Variants in AGBL4 observed in about 807,000 individuals in gnomAD.
AGBL4 encodes the protein cytosolic carboxypeptidase 6.
AGBL4 carries 58 observed loss-of-function variants against 66.4 expected under a neutral mutation model. That is an observed-to-expected ratio of 0.87 (90% CI 0.71 to 1.09). The LOEUF (loss-of-function observed/expected upper bound fraction) is 1.09, where lower values mean the gene tolerates loss of function less well. Ranked by LOEUF, AGBL4 falls within the 50% of genes least tolerant of loss-of-function variation. The pLI is 0.00. For missense variants in AGBL4, 579 were observed against 631.0 expected, an observed-to-expected ratio of 0.92 and a Z score of 0.88; for synonymous variants, 234 against 222.9, an observed-to-expected ratio of 1.05 and a Z score of -0.44.
intron 4 of AGBL4, among the ~76,000 whole-genome samples, chr1:49,182,344 T>A (rs1246346578): frequency 1.3e-5 from 2 of 152,270 alleles, no homozygotes; most frequent in African/African-American, 2.4e-5. Context: ...TTGGTTCATA[T>A]GGTACCTTGT....
chr1:49,926,985 C>T (rs979085180), intron 1 of AGBL4, among the ~76,000 whole-genome samples: 2 of 152,180 alleles, frequency 1.3e-5, no homozygotes, highest in African/African-American at 4.8e-5. Context: ...AGCTGAAGAA[C>T]ATAGAGTTTG....
intron 3 of AGBL4, among the ~76,000 whole-genome samples, chr1:49,583,949 A>G (rs1644597223): frequency 6.6e-6 from 1 of 152,166 alleles, no homozygotes; most frequent in East Asian, 1.9e-4. Context: ...AACTCCAGAG[A>G]TCAGCACTCT....
intron 5 of AGBL4, among the ~76,000 whole-genome samples, chr1:48,919,096 T>C (rs1653865375): frequency 6.6e-6 from 1 of 152,210 alleles, no homozygotes; most frequent in Non-Finnish European, 1.5e-5. Context: ...AGGCATTCTT[T>C]GAGCCTATTT....
intron 2 of AGBL4, among the ~76,000 whole-genome samples, chr1:49,701,968 G>T (rs1647102553): frequency 6.6e-6 from 1 of 151,968 alleles, no homozygotes; most frequent in Non-Finnish European, 1.5e-5. Context: ...GGTATTTCAT[G>T]ATGAAAAAGG....
chr1:49,065,838 C>T (rs561296682), intron 4 of AGBL4, among the ~76,000 whole-genome samples: 1 of 152,200 alleles, frequency 6.6e-6, no homozygotes, highest in East Asian at 1.9e-4. Flanking sequence ...GCATTCACAA[C>T]CAGCCCATTC....
At chr1:49,012,084 C>T (rs1662477557) in intron 5 of AGBL4, among the ~76,000 whole-genome samples, 2 of 151,750 alleles carry the variant, frequency 1.3e-5, no homozygotes, top group South Asian at 4.2e-4. Context: ...CCCACCCCCT[C>T]CAAGTATAAG....
chr1:49,547,158 C>G (rs377024908), intron 3 of AGBL4, among the ~76,000 whole-genome samples: 1 of 152,202 alleles, frequency 6.6e-6, no homozygotes, highest in Non-Finnish European at 1.5e-5. Flanking sequence ...AATCCTTAAT[C>G]CATCTTGTGT....
intron 6 of AGBL4, among the ~76,000 whole-genome samples, chr1:48,780,045 C>T (rs1455777200): frequency 1.3e-5 from 2 of 151,658 alleles, no homozygotes; most frequent in African/African-American, 4.9e-5. Flanking sequence ...ATTATTATTA[C>T]ACTTTAAGCT....
chr1:49,305,459 TG>T (rs1302087586), intron 3 of AGBL4, among the ~76,000 whole-genome samples: 1 of 152,154 alleles, frequency 6.6e-6, no homozygotes, highest in Non-Finnish European at 1.5e-5. Context: ...CCTCAAATAC[TG>T]TATTTTCTAT....
chr1:49,765,844 A>T (rs1226714541), intron 2 of AGBL4, among the ~76,000 whole-genome samples: 1 of 152,140 alleles, frequency 6.6e-6, no homozygotes, highest in Admixed American at 6.5e-5. Flanking sequence ...AAAGAATTTC[A>T]AAAATTGAAG....
chr1:49,321,045 T>A (rs1645124465), intron 3 of AGBL4, among the ~76,000 whole-genome samples: 1 of 152,014 alleles, frequency 6.6e-6, no homozygotes, highest in East Asian at 1.9e-4. Flanking sequence ...TCCCTCAACA[T>A]GTGGGGATTC....
intron 3 of AGBL4, among the ~76,000 whole-genome samples, chr1:49,685,155 T>C (rs1000248621): frequency 6.6e-6 from 1 of 152,198 alleles, no homozygotes; most frequent in Non-Finnish European, 1.5e-5. Context: ...TGAGAACATG[T>C]GGTATGTTGT....
intron 4 of AGBL4, among the ~76,000 whole-genome samples, chr1:49,088,440 G>T (rs1210845633): frequency 1.3e-5 from 2 of 152,096 alleles, no homozygotes; most frequent in Admixed American, 1.3e-4. Context: ...AGCAGGAGGT[G>T]CTATTCTAAT....
At chr1:49,582,879 C>G (rs1438715857) in intron 3 of AGBL4, among the ~76,000 whole-genome samples, 2 of 152,148 alleles carry the variant, frequency 1.3e-5, no homozygotes, top group African/African-American at 4.8e-5. Context: ...TTTCCAAAAC[C>G]AGATCTATGC....
chr1:49,909,934 G>T (rs889360017), intron 1 of AGBL4, among the ~76,000 whole-genome samples: 1 of 152,118 alleles, frequency 6.6e-6, no homozygotes, highest in African/African-American at 2.4e-5. Flanking sequence ...GTTTATGTCT[G>T]GGCATATATG....
intron 3 of AGBL4, among the ~76,000 whole-genome samples, chr1:49,629,016 T>C (rs1021020298): frequency 1.3e-5 from 2 of 152,130 alleles, no homozygotes; most frequent in Non-Finnish European, 2.9e-5. Context: ...AAGGGCCAAA[T>C]TGGAGAATAA....
intron 6 of AGBL4, among the ~76,000 whole-genome samples, chr1:48,826,889 AT>A (rs1176059419): frequency 6.6e-6 from 1 of 152,046 alleles, no homozygotes. Flanking sequence ...CTCTCCTCTT[AT>A]CCCCATGCCC....
chr1:49,189,148 C>T (rs1278177170), intron 4 of AGBL4, among the ~76,000 whole-genome samples: 1 of 152,142 alleles, frequency 6.6e-6, no homozygotes, highest in African/African-American at 2.4e-5. Context: ...AGATGAGTGG[C>T]ATACATTTGA....
intron 3 of AGBL4, among the ~76,000 whole-genome samples, chr1:49,354,625 A>G (rs1346633439): frequency 1.3e-5 from 2 of 152,208 alleles, no homozygotes; most frequent in African/African-American, 4.8e-5. Context: ...ACCTCATGTA[A>G]CATCTCTGAT....
Sources: gnomAD v4.1 joint callset for allele counts (sites outside exome capture counted in the v4.1 genomes callset) on GRCh38, gnomAD v4.1.1 for gene constraint, MANE v1.5 for transcripts, NCBI Gene and HGNC (gene_info 2026-07-23, HGNC 2026-07-21) for gene names.